The following CSMD1 variants were observed in gnomAD, a reference collection of about 807,000 sequenced individuals.
CSMD1 encodes CUB and sushi domain-containing protein 1.
CSMD1 carries 213 observed loss-of-function variants against 417.5 expected under a neutral mutation model. The ratio of observed to expected loss-of-function variants is 0.51; its 90% CI spans 0.46 to 0.57. The LOEUF is 0.57. Among genes scored for constraint, CSMD1 ranks in the 20% least tolerant of loss-of-function variants. The pLI is 0.00. For synonymous variants in CSMD1, 2,862 were observed against 1,736.8 expected (o/e 1.65, Z -16.11); for missense variants, 6,923 against 4,529.7 (o/e 1.53, Z -15.17).
At chr8:4,683,234 G>A (rs1474331316) in intron 1 of CSMD1, among the ~76,000 whole-genome samples, 2 of 151,930 alleles carry the variant, frequency 1.3e-5, no homozygotes, top group Non-Finnish European at 2.9e-5. Context: ...AGAGTCTAAT[G>A]ATCTCAATTT....
At chr8:2,976,545 G>A (rs559040229) in intron 55 of CSMD1, among the ~76,000 whole-genome samples, 1 of 152,044 alleles carries the variant, frequency 6.6e-6, no homozygotes, top group Non-Finnish European at 1.5e-5. Flanking sequence ...GATGGAGTCT[G>A]GCTAGGTTGT....
chr8:4,967,322 A>T (rs188734685), intron 1 of CSMD1, among the ~76,000 whole-genome samples: 47 of 152,310 alleles, frequency 3.1e-4, no homozygotes, highest in African/African-American at 1.1e-3. Context: ...TTCTCTGAAC[A>T]ATTAGTTTTA....
At chr8:4,038,306 A>T (rs985957158) in intron 3 of CSMD1, among the ~76,000 whole-genome samples, 1 of 152,194 alleles carries the variant, frequency 6.6e-6, no homozygotes, top group Non-Finnish European at 1.5e-5. Flanking sequence ...ACACCAAAAA[A>T]CGCAAAACAG....
At chr8:4,166,871 T>C (rs1238156737) in intron 3 of CSMD1, among the ~76,000 whole-genome samples, 1 of 152,236 alleles carries the variant, frequency 6.6e-6, no homozygotes, top group East Asian at 1.9e-4. Flanking sequence ...CAACAAATAA[T>C]ATTTAAAATG....
chr8:4,504,719 C>A (rs913223953), intron 2 of CSMD1, among the ~76,000 whole-genome samples: 4 of 152,064 alleles, frequency 2.6e-5, no homozygotes, highest in Non-Finnish European at 5.9e-5. Flanking sequence ...ACTTATGAGT[C>A]AGAACATGTG....
intron 3 of CSMD1, among the ~76,000 whole-genome samples, chr8:4,041,401 C>T (rs1411576134): frequency 6.6e-6 from 1 of 152,150 alleles, no homozygotes; most frequent in Non-Finnish European, 1.5e-5. Context: ...AAATGCAAAT[C>T]AAGCTTACTA....
Position 3,514,168 on chromosome 8 carries a change from G to A in CSMD1, c.1345-20442C>T, listed in dbSNP as rs1429412972. 2.6e-5 allele frequency among the ~76,000 whole-genome samples: 4 copies of A among 152,174 alleles called. No individual in the cohort carries two copies. The East Asian group carries it at 7.7e-4, about 29-fold the overall frequency. ...TTCTGTCTCCCAGGAAGCTGTCATAGCTTGTTCCCCAATCCCTCATGAAGA... is the reference window on the plus strand; with the variant it reads ...TTCTGTCTCCCAGGAAGCTGTCATAACTTGTTCCCCAATCCCTCATGAAGA... On this transcript the variant is annotated intron_variant, in intron 10 of 69. Transcript: ENST00000635120.
intron 36 of CSMD1, among the ~76,000 whole-genome samples, chr8:3,186,697 A>G (rs1821781401): frequency 6.6e-6 from 1 of 152,236 alleles, no homozygotes; most frequent in South Asian, 2.1e-4. Flanking sequence ...TATATATTCC[A>G]GCCTCCCTTT....
At chr8:3,492,759 C>G (rs1336412453) in intron 11 of CSMD1, among the ~76,000 whole-genome samples, 2 of 152,280 alleles carry the variant, frequency 1.3e-5, no homozygotes, top group Admixed American at 6.5e-5. Context: ...ATATTCACAG[C>G]AAGGCTGTCA....
chr8:3,039,258 A>C (rs968282209), intron 50 of CSMD1, among the ~76,000 whole-genome samples: 4 of 133,070 alleles, frequency 3.0e-5, no homozygotes, highest in Non-Finnish European at 4.5e-5. Flanking sequence ...CCGTGCCTGA[A>C]ACCATTTCTT....
chr8:4,539,238 A>G, intron 2 of CSMD1, among the ~76,000 whole-genome samples: 1 of 152,200 alleles, frequency 6.6e-6, no homozygotes, highest in East Asian at 1.9e-4. Context: ...CAGACACTAA[A>G]TATTGCATTC....
At chr8:3,735,379 G>C (rs747896249) in intron 6 of CSMD1, among the ~76,000 whole-genome samples, 7 of 152,176 alleles carry the variant, frequency 4.6e-5, no homozygotes, top group Non-Finnish European at 5.9e-5. Context: ...TTTAATCCTG[G>C]AAGTTGAGCA....
In CSMD1 at chr8:3,118,518, C is replaced by G. The variant is rs1816997740; in HGVS notation, c.6311G>C (p.Ser2104Thr). Residue 2104 changes from serine (S) to threonine (T), a missense_variant, in exon 42 of 70, where the codon AGC (serine) becomes ACC (threonine). Physicochemically the swap from Ser to Thr is moderately conservative, Grantham distance 58. Transcript: ENST00000635120. ...QNGYMINSDY[S>T]VGQSVSFECY... ...CTCGAAAGATACTGATTGCCCCACG[C>G]TGTAATCCGAGTTGATCATGTACCC... 3 of 1,613,794 alleles carry G rather than the reference C, an allele frequency of 1.9e-6. No individual in the cohort carries two copies. Among genetic ancestry groups the G allele is most frequent in the Admixed American group, 1.7e-5 (1 of 59,994 alleles).
intron 1 of CSMD1, among the ~76,000 whole-genome samples, chr8:4,768,094 A>G (rs1264035094): frequency 6.6e-6 from 1 of 152,118 alleles, no homozygotes; most frequent in East Asian, 1.9e-4. Context: ...CCCAGCAGTT[A>G]TGTGTTCTCT....
chr8:3,326,429 C>T (rs1456455260), intron 23 of CSMD1, among the ~76,000 whole-genome samples: 4 of 152,146 alleles, frequency 2.6e-5, no homozygotes, highest in East Asian at 1.9e-4. Context: ...TTGAAACAGA[C>T]GAAGGTATGA....
intron 12 of CSMD1, among the ~76,000 whole-genome samples, chr8:3,418,754 C>T (rs546782349): frequency 8.4e-4 from 128 of 152,200 alleles, no homozygotes; most frequent in African/African-American, 3.0e-3. Flanking sequence ...GGTGATCATG[C>T]AGACACACGG....
At chr8:4,877,555 A>G (rs1380117893) in intron 1 of CSMD1, among the ~76,000 whole-genome samples, 1 of 152,044 alleles carries the variant, frequency 6.6e-6, no homozygotes, top group Non-Finnish European at 1.5e-5. Flanking sequence ...CATTGCACTA[A>G]GTTCAGCCAG....
chr8:4,225,987 G>C (rs1487240450), intron 3 of CSMD1, among the ~76,000 whole-genome samples: 2 of 151,838 alleles, frequency 1.3e-5, no homozygotes, highest in African/African-American at 2.4e-5. Flanking sequence ...TCAAGTTCAA[G>C]AGGTATGTTA....
intron 25 of CSMD1, among the ~76,000 whole-genome samples, chr8:3,290,302 T>C (rs200674950): frequency 6.8e-6 from 1 of 146,790 alleles, no homozygotes; most frequent in African/African-American, 2.7e-5. Context: ...ATTGACTTGG[T>C]GATTTGGGCT....
Sources: gnomAD v4.1 joint callset for allele counts (sites outside exome capture counted in the v4.1 genomes callset) on GRCh38, gnomAD v4.1.1 for gene constraint, MANE v1.5 for transcripts, NCBI Gene and HGNC (gene_info 2026-07-23, HGNC 2026-07-21) for gene names.